Variants in RTN4 observed in about 807,000 individuals in gnomAD.
RTN4 encodes reticulon 4.
In RTN4, 32 loss-of-function variants were observed where a neutral mutation model predicts 90.4. The ratio of observed to expected loss-of-function variants is 0.35; its 90% CI spans 0.27 to 0.48. RTN4 has a LOEUF of 0.48. Among genes scored for constraint, RTN4 ranks in the 20% least tolerant of loss-of-function variants. RTN4 has a pLI of 0.99. For synonymous variants in RTN4, 629 were observed against 552.5 expected (o/e 1.14, Z -1.94); for missense variants, 1,706 against 1,430.2 (o/e 1.19, Z -3.11).
chr2:55,025,833 C>G lies in RTN4; in HGVS notation c.2266G>C (p.Val756Leu). The change falls in exon 3 of 9, where the codon GTT becomes CTT. Residue 756 changes from valine to leucine, a missense_variant. Physicochemically the swap from Val to Leu is conservative, Grantham distance 32. Coordinates refer to ENST00000337526, the MANE Select transcript of RTN4 (RefSeq NM_020532.5). ...ACAGTTTCATCTTGTTTTTGTGGAA[C>G]GTCAGGTATTGAATCATCACTAAAT... The part of the protein sequence containing the change: ...DLFSDDSIPD[V>L]PQKQDETVML... 4 of 1,613,606 alleles carry G rather than the reference C, an allele frequency of 2.5e-6. No homozygotes were observed. The highest frequency in any genetic ancestry group is 3.4e-6 in the Non-Finnish European group (4 of 1,179,798).
intron 3 of RTN4, chr2:55,010,063 T>C: frequency 1.2e-6 from 2 of 1,611,532 alleles, no homozygotes; most frequent in Non-Finnish European, 8.5e-7. Flanking sequence ...AAAAACTGAA[T>C]AAGAAATTAA....
At chr2:55,065,575 A>T (rs1668375057) in intron 2 of RTN4, among the ~76,000 whole-genome samples, 1 of 152,180 alleles carries the variant, frequency 6.6e-6, no homozygotes. Flanking sequence ...AATACTATAA[A>T]AATGGTTTGC....
intron 3 of RTN4, among the ~76,000 whole-genome samples, chr2:55,020,553 G>A (rs1173337093): frequency 6.6e-6 from 1 of 152,132 alleles, no homozygotes; most frequent in African/African-American, 2.4e-5. Context: ...CTTTGTAAAT[G>A]GAGGGGGAGG....
intron 3 of RTN4, 28 bp from the exon 4 acceptor site, chr2:54,987,726 T>C (rs2104674958): frequency 6.5e-7 from 1 of 1,539,840 alleles, no homozygotes. Context: ...AATCTGAAAT[T>C]AGAATGTTAT....
chr2:55,083,599 A>G (rs1372943255), intron 1 of RTN4, among the ~76,000 whole-genome samples: 3 of 152,246 alleles, frequency 2.0e-5, no homozygotes, highest in Non-Finnish European at 2.9e-5. Flanking sequence ...AGCACATTTA[A>G]AAAAATAGGT....
chr2:55,111,706 G>A (rs1668040912), intron 1 of RTN4, among the ~76,000 whole-genome samples: 1 of 152,150 alleles, frequency 6.6e-6, no homozygotes, highest in African/African-American at 2.4e-5. Context: ...CAACGAAATC[G>A]AAGCCCAACT....
chr2:54,973,765 C>T (rs1374349668), intron 7 of RTN4, 56 bp downstream of exon 7: 7 of 1,555,928 alleles, frequency 4.5e-6, no homozygotes, highest in Non-Finnish European at 6.2e-6. Context: ...ATCCGTAAAT[C>T]CCATGTAATA....
the RTN4 span, among the ~76,000 whole-genome samples, chr2:55,125,738 C>T: frequency 2.0e-5 from 3 of 152,118 alleles, no homozygotes; most frequent in East Asian, 1.9e-4. Context: ...TACACCCCAG[C>T]TTGCATGACA....
chr2:54,979,337 C>T (rs1026849788), intron 5 of RTN4, among the ~76,000 whole-genome samples: 1 of 152,036 alleles, frequency 6.6e-6, no homozygotes, highest in Non-Finnish European at 1.5e-5. Flanking sequence ...GGATTACAGG[C>T]GTGAGCTACT....
At chr2:55,005,517 T>C (rs1680148423) in intron 3 of RTN4, among the ~76,000 whole-genome samples, 1 of 152,116 alleles carries the variant, frequency 6.6e-6, no homozygotes, top group Non-Finnish European at 1.5e-5. Flanking sequence ...CTGATGAAAA[T>C]AACAATTTGT....
intron 2 of RTN4, among the ~76,000 whole-genome samples, chr2:55,068,086 T>G (rs1334027731): frequency 6.6e-6 from 1 of 152,256 alleles, no homozygotes; most frequent in Admixed American, 6.5e-5. Flanking sequence ...AATTTGGCCT[T>G]AAGCAGATAT....
chr2:55,050,265 G>A lies in RTN4; in HGVS notation c.36C>T (p.Ser12=). The change falls in exon 1 of 9, where the codon TCC becomes TCT. Residue 12 remains serine (S), a synonymous_variant. Coordinates refer to ENST00000337526, the MANE Select transcript of RTN4 (RefSeq NM_020532.5). This position sits in a 1 kb window ranked among gnomAD's most constrained non-coding sequence, Gnocchi z 4.6. ...GCTGCGGCCGGGGTGGGCTGTCCGAGGACGAGACCAGAGGAGACTGGTCCA... is the reference window on the plus strand; with the variant it reads ...GCTGCGGCCGGGGTGGGCTGTCCGAAGACGAGACCAGAGGAGACTGGTCCA... ...EDLDQSPLVS[S]SDSPPRPQPA... is the part of the protein sequence containing the mutation. The A allele has an allele frequency of 6.6e-7, 1 of 1,524,834 alleles. No individual in the cohort carries two copies. The highest frequency in any genetic ancestry group is 1.3e-5 in the South Asian group (1 of 79,094). 94.5% of individuals were successfully genotyped at this position (1,524,834 alleles called of 1,614,324 possible). A position where few individuals can be genotyped will look rare whatever the true frequency, so the allele number is the denominator to read the frequency against.
chr2:55,027,194 G>A lies in RTN4; in HGVS notation c.905C>T (p.Ser302Leu). The part of the protein sequence containing the change: ...FSELEYSEMG[S>L]SFSVSPKAES... Reference sequence around the variant, plus strand: ...TGCTTTTGGAGAGACACTGAACGATGATCCCATTTCTGAGTATTCTAATTC... The same window carrying A: ...TGCTTTTGGAGAGACACTGAACGATAATCCCATTTCTGAGTATTCTAATTC... Residue 302 changes from serine (S) to leucine (L), a missense_variant, in exon 3 of 9, where the codon TCA becomes TTA. Transcript: ENST00000337526. 6.2e-7 allele frequency: 1 copy of A among 1,613,646 alleles called. No homozygotes were observed.
intron 1 of RTN4, among the ~76,000 whole-genome samples, chr2:55,092,199 A>T (rs1333815639): frequency 6.6e-6 from 1 of 151,628 alleles, no homozygotes; most frequent in East Asian, 1.9e-4. Context: ...TAAAAAAAAA[A>T]AAGGAAGCTC....
chr2:55,122,342 C>T, the RTN4 span, among the ~76,000 whole-genome samples: 24 of 152,236 alleles, frequency 1.6e-4, no homozygotes, highest in South Asian at 5.0e-3. Context: ...AGAGTGCTTT[C>T]CGGCTTACAA....
intron 3 of RTN4, among the ~76,000 whole-genome samples, chr2:54,995,204 C>T (rs1679323070): frequency 1.3e-5 from 2 of 150,730 alleles, no homozygotes; most frequent in East Asian, 2.0e-4. Context: ...CACATCACTA[C>T]ACTACAGCCT....
chr2:55,049,695 A>T, intron 1 of RTN4, 50 bp downstream of exon 1: 1 of 1,440,138 alleles, frequency 6.9e-7, no homozygotes, highest in Non-Finnish European at 9.2e-7. Context: ...TGCACACAAA[A>T]GAGGGAGGGG....
At chr2:55,050,529 T>C (rs1311332835), upstream of RTN4, 2 of 367,742 alleles carry the variant, frequency 5.4e-6, no homozygotes, top group African/African-American at 2.1e-5. The surrounding 1 kb of genome is among the most constrained non-coding windows in gnomAD (Gnocchi z 4.6). Flanking sequence ...CCAGATGAGC[T>C]AGGAGTGAGG....
At chr2:54,983,349 AAAT>A (rs1573291589) in intron 4 of RTN4, among the ~76,000 whole-genome samples, 4 of 151,732 alleles carry the variant, frequency 2.6e-5, no homozygotes, top group Non-Finnish European at 5.9e-5. Flanking sequence ...ATAAATAAAT[AAAT>A]AAAAATACTA....
Sources: allele counts gnomAD v4.1 joint callset (sites outside exome capture counted in the v4.1 genomes callset), GRCh38; gene constraint gnomAD v4.1.1; non-coding constraint Gnocchi (gnomAD v3.1); transcripts MANE v1.5; gene names NCBI Gene and HGNC (gene_info 2026-07-23, HGNC 2026-07-21).